GPC5: variants seen among roughly 807,000 people sequenced by gnomAD.
GPC5 encodes the protein glypican-5.
GPC5 carries 47 observed loss-of-function variants against 53.9 expected under a neutral mutation model. The ratio of observed to expected loss-of-function variants is 0.87; its 90% CI spans 0.69 to 1.11. GPC5 has a LOEUF of 1.11. Ranked by LOEUF, GPC5 falls within the 50% of genes most tolerant of loss-of-function variation. The pLI, the probability that GPC5 is intolerant of heterozygous loss-of-function variation, is 0.00. For missense variants in GPC5, 748 were observed against 713.1 expected, an observed-to-expected ratio of 1.05 and a Z score of -0.56; for synonymous variants, 286 against 263.3, an observed-to-expected ratio of 1.09 and a Z score of -0.84.
chr13:92,260,213 A>G (rs903465624), intron 7 of GPC5, among the ~76,000 whole-genome samples: 5 of 152,296 alleles, frequency 3.3e-5, no homozygotes, highest in African/African-American at 7.2e-5. Flanking sequence ...TGCTAAAAAT[A>G]TAACAGCAGC....
At chr13:92,587,147 C>T (rs1339516256) in intron 7 of GPC5, among the ~76,000 whole-genome samples, 1 of 151,956 alleles carries the variant, frequency 6.6e-6, no homozygotes, top group Admixed American at 6.6e-5. Flanking sequence ...AAATGTTGAC[C>T]ATCATATCTT....
chr13:92,365,792 T>C (rs899209309), intron 7 of GPC5, among the ~76,000 whole-genome samples: 2 of 151,400 alleles, frequency 1.3e-5, no homozygotes, highest in Non-Finnish European at 1.5e-5. Flanking sequence ...CTGTGGGGTC[T>C]TCAGGGGCAA....
At chr13:92,625,733 A>G (rs896814718) in intron 7 of GPC5, among the ~76,000 whole-genome samples, 3 of 152,200 alleles carry the variant, frequency 2.0e-5, no homozygotes, top group African/African-American at 7.2e-5. Context: ...AGTAATTGCT[A>G]CTTGCCTTTT....
At chr13:92,291,397 T>C (rs1434497610) in intron 7 of GPC5, among the ~76,000 whole-genome samples, 1 of 152,108 alleles carries the variant, frequency 6.6e-6, no homozygotes, top group East Asian at 1.9e-4. Flanking sequence ...TCAAGATTTG[T>C]AAACACACCA....
intron 5 of GPC5, among the ~76,000 whole-genome samples, chr13:91,822,250 C>A (rs1265314551): frequency 6.6e-6 from 1 of 152,134 alleles, no homozygotes; most frequent in South Asian, 2.1e-4. Flanking sequence ...GTCCCTGATT[C>A]GTTTGTCAGA....
chr13:92,291,345 C>T (rs1388732422), intron 7 of GPC5, among the ~76,000 whole-genome samples: 2 of 152,168 alleles, frequency 1.3e-5, no homozygotes, highest in Admixed American at 1.3e-4. Flanking sequence ...TTATGTCTAG[C>T]TAAGGGATTG....
At chr13:92,786,374 C>T (rs2182367) in intron 7 of GPC5, among the ~76,000 whole-genome samples, 7,516 of 151,894 alleles carry the variant, frequency 0.049, 577 homozygotes, top group East Asian at 0.32. Flanking sequence ...AATAGTGTAG[C>T]TTGTTGTGGT....
intron 2 of GPC5, among the ~76,000 whole-genome samples, chr13:91,521,669 A>T (rs1219336054): frequency 6.6e-6 from 1 of 152,220 alleles, no homozygotes; most frequent in East Asian, 1.9e-4. Flanking sequence ...CTGCGATGAA[A>T]TGTGTGAGAG....
rs551508751 is a variant in GPC5, at chr13:91,733,542, A to G, written c.1154+4877A>G. Among the ~76,000 whole-genome samples the G allele has an allele frequency of 4.6e-5, 7 of 151,934 alleles. No homozygotes were observed. The East Asian group carries it at 1.4e-3, about 30-fold the overall frequency. On this transcript the variant is annotated intron_variant, in intron 4 of 7. Transcript: ENST00000377067. ...GTAGTTCTCCTTGAAGAGGTCCTTCACATCCCTTGTTAGCTGTATTCCTAG... is the reference window on the plus strand; with the variant it reads ...GTAGTTCTCCTTGAAGAGGTCCTTCGCATCCCTTGTTAGCTGTATTCCTAG...
At chr13:92,489,267 A>T (rs1879671034) in intron 7 of GPC5, among the ~76,000 whole-genome samples, 1 of 152,158 alleles carries the variant, frequency 6.6e-6, no homozygotes, top group East Asian at 1.9e-4. Flanking sequence ...TAATGATCCT[A>T]TACATATTTA....
At chr13:91,447,673 G>C (rs1346368631) in intron 1 of GPC5, among the ~76,000 whole-genome samples, 6 of 152,072 alleles carry the variant, frequency 3.9e-5, no homozygotes, top group Non-Finnish European at 8.8e-5. Context: ...TGGTTGTTAT[G>C]TGCATGCGTC....
chr13:92,463,439 A>G (rs1461119023), intron 7 of GPC5, among the ~76,000 whole-genome samples: 2 of 152,180 alleles, frequency 1.3e-5, no homozygotes, highest in Non-Finnish European at 2.9e-5. Flanking sequence ...CGTTTGCCAG[A>G]TGGTTTCTCA....
At chr13:92,385,973 A>G (rs1874696418) in intron 7 of GPC5, among the ~76,000 whole-genome samples, 1 of 151,632 alleles carries the variant, frequency 6.6e-6, no homozygotes. Flanking sequence ...AAACAATCCT[A>G]TTTCTAGTGA....
chr13:91,699,641 G>GA (rs1422677157), intron 3 of GPC5, among the ~76,000 whole-genome samples: 1 of 152,154 alleles, frequency 6.6e-6, no homozygotes, highest in Non-Finnish European at 1.5e-5. Context: ...ATTGAGAGCG[G>GA]AAAATATAAG....
At chr13:91,950,711 C>T (rs750747352) in intron 6 of GPC5, among the ~76,000 whole-genome samples, 26 of 152,194 alleles carry the variant, frequency 1.7e-4, no homozygotes, top group Non-Finnish European at 2.9e-4. Flanking sequence ...GCGCTTTCTA[C>T]TGTTGATGCT....
At chr13:92,132,390 A>C (rs2041751520) in intron 6 of GPC5, among the ~76,000 whole-genome samples, 2 of 152,096 alleles carry the variant, frequency 1.3e-5, no homozygotes, top group Non-Finnish European at 2.9e-5. Flanking sequence ...AAAACACCAA[A>C]AATTTATTGT....
intron 7 of GPC5, among the ~76,000 whole-genome samples, chr13:92,252,568 T>A (rs2139130646): frequency 6.6e-6 from 1 of 152,186 alleles, no homozygotes; most frequent in Admixed American, 6.6e-5. Context: ...AAAATACATC[T>A]ATAGATATGT....
In GPC5 at chr13:91,728,578, C is replaced by G; in HGVS notation, c.1067C>G (p.Pro356Arg). 6.2e-7 allele frequency: 1 copy of G among 1,612,336 alleles called. No homozygotes were observed. Among genetic ancestry groups the G allele is most frequent in the Non-Finnish European group, 8.5e-7 (1 of 1,178,918 alleles). ...CCTGTAAGAACACCCACACAAAGCCCCCGTTGTTCTTTTGATCAGAGCAAA... is the reference window on the plus strand; with the variant it reads ...CCTGTAAGAACACCCACACAAAGCCGCCGTTGTTCTTTTGATCAGAGCAAA... ...GRPVRTPTQS[P>R]RCSFDQSKEK... is the part of the protein sequence containing the mutation. Residue 356 changes from proline (P) to arginine (R), a missense_variant, in exon 4 of 8, where the codon CCC (proline) becomes CGC (arginine). Pro to Arg is a moderately radical substitution (Grantham distance 103). Transcript: ENST00000377067.
intron 7 of GPC5, among the ~76,000 whole-genome samples, chr13:92,374,853 TAAAAA>T (rs60231751): frequency 1.0e-4 from 13 of 124,604 alleles, no homozygotes; most frequent in African/African-American, 3.6e-4. Context: ...TAAAGTATAA[TAAAAA>T]AAAAAAAATA....
Sources: allele counts gnomAD v4.1 joint callset (sites outside exome capture counted in the v4.1 genomes callset), GRCh38; gene constraint gnomAD v4.1.1; transcripts MANE v1.5; gene names NCBI Gene and HGNC (gene_info 2026-07-23, HGNC 2026-07-21).